THOC2: variants seen among roughly 807,000 people sequenced by gnomAD.
THOC2 encodes THO complex 2.
Under a neutral mutation model 128.4 loss-of-function variants are expected in THOC2, and 10 were observed. The ratio of observed to expected loss-of-function variants is 0.08; its 90% CI spans 0.05 to 0.13. THOC2 has a LOEUF of 0.13. Among genes scored for constraint, THOC2 ranks in the 10% least tolerant of loss-of-function variants. The pLI is 1.00. For synonymous variants in THOC2, 393 were observed against 396.9 expected, an observed-to-expected ratio of 0.99 and a Z score of 0.12; for missense variants, 535 against 1,155.7, an observed-to-expected ratio of 0.46 and a Z score of 7.79.
chrX:123,704,246 A>T (rs1455203952), intron 3 of THOC2, among the ~76,000 whole-genome samples: 1 of 112,135 alleles, frequency 8.9e-6, no homozygotes, highest in Non-Finnish European at 1.9e-5. Context: ...TGTTGTGCTC[A>T]TGCCTGAGTC....
chrX:123,652,849 C>T (rs866017415), intron 12 of THOC2, among the ~76,000 whole-genome samples: 3 of 111,888 alleles, frequency 2.7e-5, no homozygotes, highest in African/African-American at 9.8e-5. Flanking sequence ...GCCACACCAT[C>T]CAAAGTAATT....
chrX:123,620,435 C>T (rs2047040641), intron 32 of THOC2: 1 of 113,317 alleles, frequency 8.8e-6, no homozygotes, highest in Non-Finnish European at 1.9e-5. Context: ...GAACTCCTTT[C>T]AAGACTCCTT....
intron 1 of THOC2, among the ~76,000 whole-genome samples, chrX:123,719,587 AC>A (rs1197564444): frequency 9.3e-6 from 1 of 107,850 alleles, no homozygotes; most frequent in Admixed American, 1.0e-4. Context: ...ACAGAGTGAG[AC>A]CCTGTCTCAA....
At chrX:123,699,463 C>G (rs1003996991) in intron 4 of THOC2, among the ~76,000 whole-genome samples, 5 of 111,647 alleles carry the variant, frequency 4.5e-5, no homozygotes, top group African/African-American at 1.6e-4. Flanking sequence ...GACTTTTAAC[C>G]CATGTGTATC....
intron 4 of THOC2, among the ~76,000 whole-genome samples, chrX:123,698,231 G>A (rs925739496): frequency 1.8e-5 from 2 of 111,431 alleles, no homozygotes. Context: ...AGGCCAAGGC[G>A]GGCGGATCAT....
chrX:123,624,436 C>T (rs374454500), intron 26 of THOC2, 105 bp downstream of exon 26: 1 of 914,012 alleles, frequency 1.1e-6, no homozygotes. Flanking sequence ...AGTTTTACAA[C>T]TGAATCTTAA....
At chrX:123,732,192 T>A (rs1037434528) in intron 1 of THOC2, among the ~76,000 whole-genome samples, 5 of 111,752 alleles carry the variant, frequency 4.5e-5, no homozygotes, top group Non-Finnish European at 9.4e-5. Context: ...CTTGGAGAGC[T>A]GCCAGAATTA....
intron 20 of THOC2, among the ~76,000 whole-genome samples, chrX:123,633,728 G>A (rs757552605): frequency 7.2e-5 from 8 of 111,746 alleles, no homozygotes; most frequent in Non-Finnish European, 1.5e-4. Context: ...TTTTCCTTAC[G>A]GATGCATTAC....
chrX:123,625,490 A>G (rs2047235386), intron 25 of THOC2, among the ~76,000 whole-genome samples: 1 of 110,612 alleles, frequency 9.0e-6, no homozygotes, highest in Admixed American at 9.6e-5. Flanking sequence ...CCCTGCTTTT[A>G]TATGTGTGTG....
At chrX:123,604,305 T>C (rs774089963) in intron 38 of THOC2, among the ~76,000 whole-genome samples, 100 of 111,837 alleles carry the variant, frequency 8.9e-4, no homozygotes, top group Non-Finnish European at 1.3e-3. Context: ...CCTACTCTGC[T>C]GAGACAAGAT....
chrX:123,656,484 G>T (rs1023523384), intron 12 of THOC2, among the ~76,000 whole-genome samples: 10 of 111,060 alleles, frequency 9.0e-5, no homozygotes, highest in Non-Finnish European at 1.7e-4. Flanking sequence ...CAAGGCAGGT[G>T]TATCACTCGA....
intron 1 of THOC2, among the ~76,000 whole-genome samples, chrX:123,723,470 T>G (rs1013706925): frequency 9.0e-6 from 1 of 111,476 alleles, no homozygotes; most frequent in African/African-American, 3.3e-5. Context: ...CCAAAACTGT[T>G]GTATAATAAT....
At chrX:123,681,352 T>A (rs936384737) in intron 8 of THOC2, among the ~76,000 whole-genome samples, 5 of 109,367 alleles carry the variant, frequency 4.6e-5, no homozygotes, top group Non-Finnish European at 7.6e-5. Flanking sequence ...TGCAGATAAT[T>A]TGTTATTGAA....
chrX:123,666,212 T>C (rs1200026133), intron 11 of THOC2, among the ~76,000 whole-genome samples: 1 of 112,360 alleles, frequency 8.9e-6, no homozygotes, highest in Non-Finnish European at 1.9e-5. Flanking sequence ...CAACAAGGGA[T>C]GGACCTAAGA....
At chrX:123,633,137 TA>T (rs2047548948) in intron 20 of THOC2, 97 bp from the exon 21 acceptor site, 2 of 555,060 alleles carry the variant, frequency 3.6e-6, no homozygotes, top group African/African-American at 2.3e-5. Context: ...ATGCTTAATA[TA>T]AAAAACTCCT....
intron 1 of THOC2, among the ~76,000 whole-genome samples, chrX:123,721,111 G>A (rs1386020026): frequency 9.1e-6 from 1 of 110,214 alleles, no homozygotes; most frequent in Non-Finnish European, 1.9e-5. Context: ...TGTTAATTTT[G>A]TTAAATCCTG....
intron 24 of THOC2, 98 bp downstream of exon 24, chrX:123,626,423 G>T: frequency 2.2e-6 from 2 of 906,529 alleles, no homozygotes; most frequent in Non-Finnish European, 3.0e-6. Context: ...ACACTGAGTT[G>T]AAATACAAAC....
intron 8 of THOC2, among the ~76,000 whole-genome samples, chrX:123,672,486 G>A (rs940615593): frequency 5.4e-5 from 6 of 111,432 alleles, no homozygotes; most frequent in Non-Finnish European, 9.4e-5. Context: ...AGTTCTTAGT[G>A]GAGACGCAGA....
chrX:123,683,762 G>A (rs999117881), intron 8 of THOC2, among the ~76,000 whole-genome samples: 3 of 110,104 alleles, frequency 2.7e-5, no homozygotes, highest in Admixed American at 9.7e-5. Flanking sequence ...CACCACACCC[G>A]GCTAATTTTG....
Sources: gnomAD v4.1 joint callset for allele counts (sites outside exome capture counted in the v4.1 genomes callset) on GRCh38, gnomAD v4.1.1 for gene constraint, MANE v1.5 for transcripts, NCBI Gene and HGNC (gene_info 2026-07-23, HGNC 2026-07-21) for gene names.